The following DYNC1H1 variants were observed in gnomAD, a reference collection of about 807,000 sequenced individuals.
DYNC1H1 encodes dynein cytoplasmic 1 heavy chain 1.
A neutral mutation model predicts 527.1 loss-of-function variants in DYNC1H1; 51 were observed. The observed-to-expected ratio is 0.10, with a 90% confidence interval of 0.08 to 0.12. DYNC1H1 has a LOEUF of 0.12. Among genes scored for constraint, DYNC1H1 ranks in the 10% least tolerant of loss-of-function variants. DYNC1H1 has a pLI of 1.00. For synonymous variants in DYNC1H1, 2,189 were observed against 2,278.8 expected (o/e 0.96, Z 1.12); for missense variants, 2,771 against 5,971.8 (o/e 0.46, Z 17.66).
At chr14:102,021,660 T>TTC (rs2048386546) in intron 42 of DYNC1H1, among the ~76,000 whole-genome samples, 1 of 146,694 alleles carries the variant, frequency 6.8e-6, no homozygotes, top group South Asian at 2.2e-4. Context: ...CTTTTTCTTT[T>TTC]TTTTTTTTTT....
chr14:101,989,381 T>C (rs1381978339), intron 10 of DYNC1H1, among the ~76,000 whole-genome samples: 1 of 152,188 alleles, frequency 6.6e-6, no homozygotes, highest in African/African-American at 2.4e-5. Context: ...GGCAACACAG[T>C]GGCCACCACA....
chr14:101,983,705 T>G lies in DYNC1H1; in HGVS notation c.1461+96T>G, dbSNP rs1595599493. On this transcript the variant is annotated intron_variant, in intron 7 of 77. Coordinates refer to ENST00000360184, the MANE Select transcript of DYNC1H1 (RefSeq NM_001376.5). The surrounding 1 kb of genome is among the most constrained non-coding windows in gnomAD (Gnocchi z 5.3). ...TTTGTTGTTGTTGTTGAGATGAAGT[T>G]TCACTCTTGTTGCCCAGGCTGGAGT... 3.7e-6 allele frequency: 5 copies of G among 1,359,542 alleles called. No individual in the cohort carries two copies. Among genetic ancestry groups the G allele is most frequent in the African/African-American group, 1.5e-5 (1 of 67,868 alleles). 84.2% of individuals were successfully genotyped at this position (1,359,542 alleles called of 1,614,324 possible).
Position 102,039,574 on chromosome 14 carries a change from G to C in DYNC1H1, c.11595+28G>C, listed in dbSNP as rs778489860. The C allele has an allele frequency of 3.1e-6, 5 of 1,614,114 alleles. No individual in the cohort carries two copies. In the East Asian group the frequency reaches 1.1e-4, roughly 36 times the overall value. On this transcript the variant is annotated intron_variant, in intron 61 of 77. Coordinates refer to ENST00000360184, the MANE Select transcript of DYNC1H1 (RefSeq NM_001376.5). The surrounding 1 kb of genome is among the most constrained non-coding windows in gnomAD (Gnocchi z 7.0). The stretch of plus-strand genomic sequence containing the variant: ...AGAGTGAGGTCCTCAGCCGCTCCCT[G>C]GCGGGGGGGAAGCAGGGTGCTGCTT...
Position 102,033,673 on chromosome 14 carries a change from A to G in DYNC1H1, c.10413+189A>G. ...GTCACTAAGTGTTGTTAATTAGGAT[A>G]GATTGATACAAACTGGACACTTTTC... On this transcript the variant is annotated intron_variant, in intron 54 of 77. Transcript: ENST00000360184. This position sits in a 1 kb window ranked among gnomAD's most constrained non-coding sequence, Gnocchi z 5.6. 2 of 773,016 alleles carry G rather than the reference A, an allele frequency of 2.6e-6. No homozygotes were observed. The highest frequency in any genetic ancestry group is 4.3e-6 in the Non-Finnish European group (2 of 470,110). The allele number at this position is 773,016 out of a possible 1,614,324, so 47.9% of individuals were successfully genotyped here. A position where few individuals can be genotyped will look rare whatever the true frequency, so the allele number is the denominator to read the frequency against.
At chr14:102,003,305 C>G (rs553358000) in intron 23 of DYNC1H1, among the ~76,000 whole-genome samples, 2 of 151,480 alleles carry the variant, frequency 1.3e-5, no homozygotes, top group Non-Finnish European at 2.9e-5. Context: ...CTCTGTCGCC[C>G]AGGCTGGAGC....
chr14:102,040,517 G>A (rs948595527), intron 63 of DYNC1H1, 81 bp from the exon 64 acceptor site: 19 of 1,609,500 alleles, frequency 1.2e-5, no homozygotes, highest in East Asian at 6.7e-5. Flanking sequence ...CTGCGCTCTC[G>A]CGTCAGACTC....
rs1256118131 is a variant in DYNC1H1, at chr14:101,964,602, C to G, written c.-90C>G. On this transcript the variant is annotated 5_prime_UTR_variant, in exon 1 of 78. Transcript: ENST00000360184. This position sits in a 1 kb window ranked among gnomAD's most constrained non-coding sequence, Gnocchi z 5.5. ...TGCGGTGGGCTAGCGGACGGTCCGG[C>G]TTCCGGCGGCCGTTTCTGTCTCTTG... is the stretch of plus-strand genomic sequence containing the variant. 2.5e-5 allele frequency: 38 copies of G among 1,529,664 alleles called. No homozygotes were observed. The highest frequency in any genetic ancestry group is 3.3e-5 in the Non-Finnish European group (38 of 1,143,970). The allele number at this position is 1,529,664 out of a possible 1,614,324, so 94.8% of individuals were successfully genotyped here.
chr14:102,025,558 T>A (rs1384146506), intron 43 of DYNC1H1, among the ~76,000 whole-genome samples: 3 of 116,000 alleles, frequency 2.6e-5, no homozygotes, highest in Non-Finnish European at 5.4e-5. Flanking sequence ...TGAGACCCTG[T>A]CTCAAGGAAA....
chr14:102,010,251 A>T lies in DYNC1H1; in HGVS notation c.6222-25A>T, dbSNP rs368302738. On this transcript the variant is annotated intron_variant, in intron 30 of 77. Coordinates refer to ENST00000360184, the MANE Select transcript of DYNC1H1 (RefSeq NM_001376.5). The surrounding 1 kb of genome is among the most constrained non-coding windows in gnomAD (Gnocchi z 6.0). ...TGCTTAAAGTATACTGTTATTAAAGATAGCCTTTTTTTCTTCTTTTCTAGA... is the reference window on the plus strand; with the variant it reads ...TGCTTAAAGTATACTGTTATTAAAGTTAGCCTTTTTTTCTTCTTTTCTAGA... 737 of 1,613,714 alleles carry T rather than the reference A, an allele frequency of 4.6e-4. No individual in the cohort carries two copies. Among genetic ancestry groups the T allele is most frequent in the Admixed American group, 1.3e-3 (80 of 59,966 alleles).
At position 102,027,140 on chromosome 14, in the gene DYNC1H1, G is replaced by A. The variant is rs1199328767; in HGVS notation, c.8772-34G>A. The A allele has an allele frequency of 6.2e-7, 1 of 1,603,390 alleles. No homozygotes were observed. The highest frequency in any genetic ancestry group is 1.7e-5 in the Admixed American group (1 of 59,998). The stretch of plus-strand genomic sequence containing the variant: ...TCAAAAGGGGAATGAGGCATTATAA[G>A]CCTTAACATTGATCAGTTCTCGTAA... On this transcript the variant is annotated intron_variant, in intron 44 of 77. Coordinates refer to ENST00000360184, the MANE Select transcript of DYNC1H1 (RefSeq NM_001376.5). The surrounding 1 kb of genome is among the most constrained non-coding windows in gnomAD (Gnocchi z 7.7).
At chr14:101,980,615 G>T (rs2047852608) in intron 5 of DYNC1H1, 65 bp downstream of exon 5, 1 of 1,561,604 alleles carries the variant, frequency 6.4e-7, no homozygotes, top group African/African-American at 1.4e-5. Flanking sequence ...GATCTTACTT[G>T]ATAATTTAAA....
At chr14:102,023,417 C>CGG in intron 43 of DYNC1H1, 2 of 226,900 alleles carry the variant, frequency 8.8e-6, no homozygotes, top group South Asian at 6.2e-5. Flanking sequence ...GGCGTGGTGA[C>CGG]GCATGTCTGT....
intron 23 of DYNC1H1, among the ~76,000 whole-genome samples, chr14:102,003,876 C>A (rs112138521): frequency 0.21 from 31,179 of 150,076 alleles, 4,303 homozygotes; most frequent in African/African-American, 0.39. Flanking sequence ...CAGTGAGCCA[C>A]GATTGCGCCG....
Position 101,994,757 on chromosome 14 carries a change from G to A in DYNC1H1, c.3241G>A (p.Ala1081Thr). 1 of 1,614,190 alleles carries A rather than the reference G, an allele frequency of 6.2e-7. No homozygotes were observed. The highest frequency in any genetic ancestry group is 2.2e-5 in the East Asian group (1 of 44,888). ...RLGEDLNKWQ[A>T]LLVQIRKARG... ...TGGAGAAGATCTCAACAAATGGCAG[G>A]CTCTCCTGGTCCAAATAAGGAAGGC... Residue 1081 changes from alanine to threonine, a missense_variant, in exon 13 of 78, where the codon GCT becomes ACT. By Grantham distance (58) the Ala-to-Thr change is moderately conservative. Transcript: ENST00000360184.
Position 102,018,823 on chromosome 14 carries a change from A to T in DYNC1H1, c.8343+207A>T, listed in dbSNP as rs1348196816. 6.6e-6 allele frequency among the ~76,000 whole-genome samples: 1 copy of T among 152,124 alleles called. No individual in the cohort carries two copies. The highest frequency in any genetic ancestry group is 1.9e-4 in the East Asian group (1 of 5,190). On this transcript the variant is annotated intron_variant, in intron 41 of 77. Coordinates refer to ENST00000360184, the MANE Select transcript of DYNC1H1 (RefSeq NM_001376.5). This position sits in a 1 kb window ranked among gnomAD's most constrained non-coding sequence, Gnocchi z 5.2. Reference sequence around the variant, plus strand: ...AAAAAATAGGTGGGCGTGGTGGTGCATGCTTGTAATGTCAGCTTCCCAGGA... The same window carrying T: ...AAAAAATAGGTGGGCGTGGTGGTGCTTGCTTGTAATGTCAGCTTCCCAGGA...
At chr14:101,991,786 T>C in intron 11 of DYNC1H1, 113 bp downstream of exon 11, 1 of 1,466,650 alleles carries the variant, frequency 6.8e-7, no homozygotes, top group Non-Finnish European at 9.4e-7. Flanking sequence ...GTTTACAAAC[T>C]CCAGACATCC....
At chr14:102,030,740 C>T in intron 51 of DYNC1H1, 1 of 238,590 alleles carries the variant, frequency 4.2e-6, no homozygotes. Context: ...CCTTACATGC[C>T]TATAAGATGC....
At position 101,983,672 on chromosome 14, in the gene DYNC1H1, GTTT is replaced by G. The variant is rs368383689; in HGVS notation, c.1461+71_1461+73del. ...GTTTTTGTTTTGTTTTTTGTTTGGTGTTTTTTTTTTGTTGTTGTTGTTGAGATG... is the reference window on the plus strand; with the variant it reads ...GTTTTTGTTTTGTTTTTTGTTTGGTGTTTTTTTGTTGTTGTTGTTGAGATG... On this transcript the variant is annotated intron_variant, in intron 7 of 77. Coordinates refer to ENST00000360184, the MANE Select transcript of DYNC1H1 (RefSeq NM_001376.5). This position sits in a 1 kb window ranked among gnomAD's most constrained non-coding sequence, Gnocchi z 5.3. The G allele has an allele frequency of 2.2e-6, 3 of 1,334,904 alleles. No homozygotes were observed. The Admixed American group carries it at 6.6e-5, about 29-fold the overall frequency. The allele number at this position is 1,334,904 out of a possible 1,614,324, so 82.7% of individuals were successfully genotyped here.
Position 102,028,025 on chromosome 14 carries a change from C to T in DYNC1H1, c.9352C>T (p.Pro3118Ser). 6.2e-7 allele frequency: 1 copy of T among 1,614,170 alleles called. No individual in the cohort carries two copies. The highest frequency in any genetic ancestry group is 1.1e-5 in the South Asian group (1 of 91,080). Residue 3118 changes from proline to serine, a missense_variant, in exon 48 of 78, where the codon CCA becomes TCA. By Grantham distance (74) the Pro-to-Ser change is moderately conservative. Transcript: ENST00000360184. ...EFTSKMDLEK[P>S]NYIVPDYMPV... ...CACAAGTAAGATGGATCTGGAGAAGCCAAATTACATCGTGCCTGATTACAT... is the reference window on the plus strand; with the variant it reads ...CACAAGTAAGATGGATCTGGAGAAGTCAAATTACATCGTGCCTGATTACAT...
Sources: gnomAD v4.1 joint callset for allele counts (sites outside exome capture counted in the v4.1 genomes callset) on GRCh38, gnomAD v4.1.1 for gene constraint, Gnocchi (gnomAD v3.1) non-coding constraint, MANE v1.5 for transcripts, NCBI Gene and HGNC (gene_info 2026-07-23, HGNC 2026-07-21) for gene names.